Variants in FRMD4A observed in about 807,000 individuals in gnomAD.
FRMD4A encodes the protein FERM domain-containing protein 4A.
A neutral mutation model predicts 129.1 loss-of-function variants in FRMD4A; 29 were observed. That is an observed-to-expected ratio of 0.22 (90% CI 0.17 to 0.31). The LOEUF is 0.31. Among genes scored for constraint, FRMD4A ranks in the 10% least tolerant of loss-of-function variants. The probability of loss-of-function intolerance (pLI) is 1.00; values close to 1 mark genes in which losing one functional copy is unlikely to be tolerated. For synonymous variants in FRMD4A, 634 were observed against 571.6 expected, an observed-to-expected ratio of 1.11 and a Z score of -1.56; for missense variants, 1,272 against 1,375.8, an observed-to-expected ratio of 0.92 and a Z score of 1.19.
At chr10:14,273,218 C>T (rs1482510436) in intron 2 of FRMD4A, among the ~76,000 whole-genome samples, 1 of 152,094 alleles carries the variant, frequency 6.6e-6, no homozygotes, top group Non-Finnish European at 1.5e-5. Context: ...GATTGCACCA[C>T]TGCACTCCAG....
chr10:13,969,081 C>T (rs2095502580), intron 2 of FRMD4A, among the ~76,000 whole-genome samples: 1 of 152,206 alleles, frequency 6.6e-6, no homozygotes, highest in African/African-American at 2.4e-5. Context: ...AATCTTGGAC[C>T]TCCTGCAGAC....
intron 2 of FRMD4A, among the ~76,000 whole-genome samples, chr10:14,277,096 T>G (rs1217571072): frequency 6.6e-6 from 1 of 152,072 alleles, no homozygotes; most frequent in Non-Finnish European, 1.5e-5. Flanking sequence ...AACTCCTGGA[T>G]TTGAGCAATC....
chr10:14,270,819 C>G, intron 2 of FRMD4A, among the ~76,000 whole-genome samples: 1 of 152,198 alleles, frequency 6.6e-6, no homozygotes, highest in East Asian at 1.9e-4. Context: ...CACCAAACTT[C>G]TAAGTAAAGA....
At chr10:13,688,369 G>T (rs1208114072) in intron 15 of FRMD4A, among the ~76,000 whole-genome samples, 2 of 151,800 alleles carry the variant, frequency 1.3e-5, no homozygotes, top group Non-Finnish European at 2.9e-5. Flanking sequence ...ACAGGAAGGG[G>T]AACATCACAC....
intron 12 of FRMD4A, among the ~76,000 whole-genome samples, chr10:13,721,914 C>T (rs2089446818): frequency 6.6e-6 from 1 of 152,216 alleles, no homozygotes; most frequent in Non-Finnish European, 1.5e-5. Flanking sequence ...GTGACTTCTA[C>T]TGCTCATTAA....
At position 13,822,451 on chromosome 10, in the gene FRMD4A, C is replaced by T. The variant is rs148801038; in HGVS notation, c.112-11543G>A. ...CTGGAAGGGAGGGATCACATTTGAT[C>T]GACATTTGTGGACTTACACCCCAAT... On this transcript the variant is annotated intron_variant, in intron 3 of 24. Coordinates refer to ENST00000357447, the MANE Select transcript of FRMD4A (RefSeq NM_018027.5). 5.3e-5 allele frequency among the ~76,000 whole-genome samples: 8 copies of T among 152,248 alleles called. No individual in the cohort carries two copies. In the East Asian group the frequency reaches 1.5e-3, roughly 29 times the overall value.
chr10:13,705,259 G>A (rs2087303338), intron 13 of FRMD4A, among the ~76,000 whole-genome samples: 1 of 152,202 alleles, frequency 6.6e-6, no homozygotes, highest in South Asian at 2.1e-4. Flanking sequence ...ATAGTCACGT[G>A]TGAGATCTAG....
At chr10:13,918,873 A>C (rs1382590978) in intron 2 of FRMD4A, among the ~76,000 whole-genome samples, 1 of 151,970 alleles carries the variant, frequency 6.6e-6, no homozygotes, top group African/African-American at 2.4e-5. Context: ...TTTGTAAGAA[A>C]AAAAAAAAAA....
At chr10:13,737,985 G>A (rs943646580) in intron 11 of FRMD4A, 55 bp from the exon 12 acceptor site, 18 of 960,626 alleles carry the variant, frequency 1.9e-5, no homozygotes, top group South Asian at 1.0e-4. Flanking sequence ...GTAAACACAC[G>A]CAAAGTGGAG....
At chr10:14,065,240 G>A (rs57422799) in intron 2 of FRMD4A, among the ~76,000 whole-genome samples, 1 of 152,126 alleles carries the variant, frequency 6.6e-6, no homozygotes, top group African/African-American at 2.4e-5. Flanking sequence ...CTGGAGTGCA[G>A]TAGCACGATC....
At chr10:13,960,106 T>A (rs2095437266) in intron 2 of FRMD4A, among the ~76,000 whole-genome samples, 1 of 152,184 alleles carries the variant, frequency 6.6e-6, no homozygotes, top group South Asian at 2.1e-4. Flanking sequence ...TAGGAACCAC[T>A]ATCTCTGTGA....
intron 17 of FRMD4A, among the ~76,000 whole-genome samples, chr10:13,669,057 GTTTTTTTT>G (rs56706198): frequency 0.41 from 39,922 of 98,376 alleles, 6,297 homozygotes; most frequent in East Asian, 0.74. Context: ...CTGAGCTTTA[GTTTTTTTT>G]TTTTTTTTTT....
intron 2 of FRMD4A, among the ~76,000 whole-genome samples, chr10:14,154,324 T>C (rs1001850479): frequency 6.6e-5 from 10 of 152,130 alleles, no homozygotes; most frequent in African/African-American, 2.4e-4. Flanking sequence ...AATCTGTCTG[T>C]TTCCATTTTT....
intron 8 of FRMD4A, among the ~76,000 whole-genome samples, chr10:13,760,968 G>C (rs1169149140): frequency 6.6e-6 from 1 of 151,102 alleles, no homozygotes; most frequent in Non-Finnish European, 1.5e-5. Flanking sequence ...TACACCCTCT[G>C]CTCTGTGCAG....
intron 2 of FRMD4A, among the ~76,000 whole-genome samples, chr10:14,090,306 T>C (rs979906287): frequency 6.6e-6 from 1 of 152,106 alleles, no homozygotes; most frequent in Non-Finnish European, 1.5e-5. Flanking sequence ...GCCACACAGA[T>C]GTGAGAGCTA....
At chr10:13,962,038 C>CGAAT (rs57314404) in intron 2 of FRMD4A, among the ~76,000 whole-genome samples, 10,814 of 128,416 alleles carry the variant, frequency 0.084, 454 homozygotes, top group Middle Eastern at 0.13. Flanking sequence ...CAAAAACACA[C>CGAAT]GAATGAATGA....
At chr10:14,065,254 G>A (rs935530725) in intron 2 of FRMD4A, among the ~76,000 whole-genome samples, 1 of 152,134 alleles carries the variant, frequency 6.6e-6, no homozygotes, top group Non-Finnish European at 1.5e-5. Context: ...CACGATCTCA[G>A]CTCACTGCAA....
intron 2 of FRMD4A, among the ~76,000 whole-genome samples, chr10:14,183,867 G>A (rs1841988549): frequency 6.6e-6 from 1 of 152,126 alleles, no homozygotes; most frequent in African/African-American, 2.4e-5. Flanking sequence ...TTCTGACTCA[G>A]TACCTCAGCA....
chr10:14,041,667 G>C (rs1833784277), intron 2 of FRMD4A, among the ~76,000 whole-genome samples: 1 of 152,142 alleles, frequency 6.6e-6, no homozygotes, highest in South Asian at 2.1e-4. Flanking sequence ...GTTCATCAGA[G>C]GTAGAACAAA....
Sources: allele counts gnomAD v4.1 joint callset (sites outside exome capture counted in the v4.1 genomes callset), GRCh38; gene constraint gnomAD v4.1.1; transcripts MANE v1.5; gene names NCBI Gene and HGNC (gene_info 2026-07-23, HGNC 2026-07-21).